The following ZMYND11 variants were observed in gnomAD, a reference collection of about 807,000 sequenced individuals.
ZMYND11 encodes the protein zinc finger MYND-type containing 11, also known as zinc finger MYND domain-containing protein 11.
In ZMYND11, 9 loss-of-function variants were observed where a neutral mutation model predicts 84.9. That is an observed-to-expected ratio of 0.11 (90% CI 0.06 to 0.18). ZMYND11 has a LOEUF of 0.18. Ranked by LOEUF, ZMYND11 falls within the 10% of genes least tolerant of loss-of-function variation. The pLI, the probability that ZMYND11 is intolerant of heterozygous loss-of-function variation, is 1.00. For missense variants in ZMYND11, 409 were observed against 761.0 expected (o/e 0.54, Z 5.44); for synonymous variants, 250 against 244.1 (o/e 1.02, Z -0.23).
At chr10:186,070 A>T (rs1938320753) in intron 2 of ZMYND11, among the ~76,000 whole-genome samples, 1 of 147,826 alleles carries the variant, frequency 6.8e-6, no homozygotes, top group Non-Finnish European at 1.5e-5. Context: ...AGTGCAGTGG[A>T]GCGATCTCGG....
chr10:216,689 A>G (rs1946240863), intron 3 of ZMYND11, among the ~76,000 whole-genome samples: 1 of 152,194 alleles, frequency 6.6e-6, no homozygotes, highest in Non-Finnish European at 1.5e-5. Context: ...AAACTATAAT[A>G]TACTTAGAAA....
At chr10:211,201 A>G (rs1945151610) in intron 3 of ZMYND11, among the ~76,000 whole-genome samples, 1 of 151,848 alleles carries the variant, frequency 6.6e-6, no homozygotes, top group African/African-American at 2.4e-5. Flanking sequence ...TCTCCTAAAA[A>G]GAAAAAAAAA....
chr10:171,502 A>G (rs1389616784), intron 1 of ZMYND11, among the ~76,000 whole-genome samples: 1 of 152,150 alleles, frequency 6.6e-6, no homozygotes, highest in Non-Finnish European at 1.5e-5. Flanking sequence ...AATTAATAAC[A>G]GAAAGCTGGG....
chr10:131,758 C>A (rs1017223374), upstream of ZMYND11, among the ~76,000 whole-genome samples: 7 of 151,910 alleles, frequency 4.6e-5, no homozygotes, highest in Non-Finnish European at 1.0e-4. Flanking sequence ...GAACTCCTGG[C>A]CCCAAGTGTA....
At chr10:189,868 C>G (rs1441112828) in intron 2 of ZMYND11, among the ~76,000 whole-genome samples, 1 of 152,056 alleles carries the variant, frequency 6.6e-6, no homozygotes. Context: ...TGTGAGAATG[C>G]TTGGGATGCC....
Position 253,332 on chromosome 10 carries a change from C to T in ZMYND11, c.*862C>T, listed in dbSNP as rs950459504. On this transcript the variant is annotated 3_prime_UTR_variant, in exon 15 of 15. Coordinates refer to ENST00000381604, the MANE Select transcript of ZMYND11 (RefSeq NM_001370100.5). ...GTTTAATGCTTCCCTTCCCTTCCCA[C>T]ATATCATCTCACTGCCTATTATCTG... 7 of 152,636 alleles carry T rather than the reference C, an allele frequency of 4.6e-5. No homozygotes were observed. The highest frequency in any genetic ancestry group is 1.4e-4 in the African/African-American group (6 of 41,452). The allele number at this position is 152,636 out of a possible 1,614,324, so 9.5% of individuals were successfully genotyped here.
At chr10:233,241 G>C (rs886435363) in intron 4 of ZMYND11, among the ~76,000 whole-genome samples, 5 of 152,130 alleles carry the variant, frequency 3.3e-5, no homozygotes, top group Admixed American at 6.5e-5. Context: ...CACATACACT[G>C]ACATGCACAA....
At chr10:232,657 C>G (rs931035675) in intron 4 of ZMYND11, among the ~76,000 whole-genome samples, 3 of 152,088 alleles carry the variant, frequency 2.0e-5, no homozygotes, top group African/African-American at 7.2e-5. Context: ...CATTTATCAC[C>G]AAAAAGGTGG....
chr10:235,495 C>G (rs1247874980), intron 4 of ZMYND11, among the ~76,000 whole-genome samples: 2 of 152,098 alleles, frequency 1.3e-5, no homozygotes, highest in Non-Finnish European at 2.9e-5. Flanking sequence ...CATGGACACT[C>G]TGTCTTGGCC....
chr10:168,461 A>C (rs1205775363), intron 1 of ZMYND11, among the ~76,000 whole-genome samples: 3 of 152,126 alleles, frequency 2.0e-5, no homozygotes, highest in African/African-American at 7.2e-5. Context: ...AGAAAATTTA[A>C]CATATGATTA....
chr10:191,374 A>G (rs563528828), intron 2 of ZMYND11, among the ~76,000 whole-genome samples: 1 of 152,268 alleles, frequency 6.6e-6, no homozygotes, highest in Admixed American at 6.5e-5. Context: ...TTTTCAAAAC[A>G]TGATCATCTG....
At chr10:204,449 T>C (rs1402312661) in intron 2 of ZMYND11, among the ~76,000 whole-genome samples, 1 of 152,208 alleles carries the variant, frequency 6.6e-6, no homozygotes, top group African/African-American at 2.4e-5. Context: ...ATATGAATGC[T>C]GTTAGTAAAT....
At chr10:236,754 G>A in intron 4 of ZMYND11, 84 bp from the exon 5 acceptor site, 1 of 1,149,216 alleles carries the variant, frequency 8.7e-7, no homozygotes, top group Non-Finnish European at 1.3e-6. Flanking sequence ...TACTATCTAA[G>A]TGTTTCATAT....
intron 1 of ZMYND11, among the ~76,000 whole-genome samples, chr10:170,416 A>G (rs1247841342): frequency 2.4e-5 from 3 of 126,592 alleles, no homozygotes. Context: ...GTAACTGTGT[A>G]TTTGATTATG....
intron 14 of ZMYND11, among the ~76,000 whole-genome samples, chr10:250,805 G>C (rs561231922): frequency 1.5e-4 from 23 of 152,078 alleles, no homozygotes; most frequent in Non-Finnish European, 3.1e-4. Flanking sequence ...GGAAGGCCGA[G>C]GTGGGCAGAT....
At chr10:152,051 A>G (rs1477929003) in intron 1 of ZMYND11, among the ~76,000 whole-genome samples, 1 of 152,242 alleles carries the variant, frequency 6.6e-6, no homozygotes, top group African/African-American at 2.4e-5. Flanking sequence ...GCCCTACAAG[A>G]GCTCCTGAAG....
chr10:164,322 C>T (rs1843528832), intron 1 of ZMYND11, among the ~76,000 whole-genome samples: 1 of 152,100 alleles, frequency 6.6e-6, no homozygotes, highest in Non-Finnish European at 1.5e-5. Context: ...TTAAGTCTTT[C>T]CTCATGTGTA....
chr10:233,901 A>G (rs1949447505), intron 4 of ZMYND11, among the ~76,000 whole-genome samples: 1 of 152,242 alleles, frequency 6.6e-6, no homozygotes, highest in Admixed American at 6.5e-5. Context: ...AGTTCATTTG[A>G]AAATATTTAA....
chr10:209,704 G>A (rs1419165106), intron 2 of ZMYND11, among the ~76,000 whole-genome samples, 185 bp from the exon 3 acceptor site: 1 of 151,740 alleles, frequency 6.6e-6, no homozygotes, highest in East Asian at 1.9e-4. Context: ...TGGAAGAGTT[G>A]CGTATTGAAG....
Sources: gnomAD v4.1 joint callset for allele counts (sites outside exome capture counted in the v4.1 genomes callset) on GRCh38, gnomAD v4.1.1 for gene constraint, MANE v1.5 for transcripts, NCBI Gene and HGNC (gene_info 2026-07-23, HGNC 2026-07-21) for gene names.